Variants in MSRA observed in about 807,000 individuals in gnomAD.
MSRA encodes mitochondrial peptide methionine sulfoxide reductase.
Under a neutral mutation model 31.3 loss-of-function variants are expected in MSRA, and 54 were observed. That is an observed-to-expected ratio of 1.73 (90% CI 1.39 to 2.17). The LOEUF (loss-of-function observed/expected upper bound fraction) is 2.17, where lower values mean the gene tolerates loss of function less well. Among genes scored for constraint, MSRA ranks in the 30% most tolerant of loss-of-function variants. The pLI, the probability that MSRA is intolerant of heterozygous loss-of-function variation, is 0.00. For missense variants in MSRA, 507 were observed against 300.9 expected (o/e 1.69, Z -5.07); for synonymous variants, 169 against 116.5 (o/e 1.45, Z -2.90).
At chr8:10,250,355 C>G in intron 3 of MSRA, 1 of 695,572 alleles carries the variant, frequency 1.4e-6, no homozygotes, top group South Asian at 1.5e-5. Context: ...ATACAAATAC[C>G]CCATTTCTGG....
At chr8:10,179,112 C>T (rs1327579416) in intron 1 of MSRA, among the ~76,000 whole-genome samples, 1 of 152,200 alleles carries the variant, frequency 6.6e-6, no homozygotes, top group Non-Finnish European at 1.5e-5. Context: ...GTGAGTCAGT[C>T]AGTGCCCCAT....
chr8:10,339,048 TA>T (rs576137117), intron 5 of MSRA, among the ~76,000 whole-genome samples: 124 of 152,342 alleles, frequency 8.1e-4, no homozygotes, highest in African/African-American at 2.9e-3. Flanking sequence ...TTCCATTTTT[TA>T]ATTCACTGGG....
intron 5 of MSRA, chr8:10,320,441 C>G (rs891600567): frequency 2.0e-5 from 3 of 152,958 alleles, no homozygotes; most frequent in Non-Finnish European, 2.9e-5. Context: ...GCACTTCAGC[C>G]TGGGTGACAG....
rs200043234 is a variant in MSRA, at chr8:10,343,767, C to G, written c.543+23778C>G. The stretch of plus-strand genomic sequence containing the variant: ...TACATAAATTTGAAGACTTCATATG[C>G]AAACAGCAACAAAACCAAAAAATAA... On this transcript the variant is annotated intron_variant, in intron 5 of 5. Coordinates refer to ENST00000317173, the MANE Select transcript of MSRA (RefSeq NM_012331.5). Among the ~76,000 whole-genome samples, 2 of 152,156 alleles carry G rather than the reference C, an allele frequency of 1.3e-5. 1 individual carries two copies. The highest frequency in any genetic ancestry group is 4.1e-4 in the South Asian group (2 of 4,830).
intron 2 of MSRA, among the ~76,000 whole-genome samples, chr8:10,225,712 A>G (rs1372119025): frequency 2.0e-5 from 3 of 152,096 alleles, no homozygotes; most frequent in African/African-American, 7.2e-5. Flanking sequence ...TTTGATGTAG[A>G]TGTCTGACGA....
chr8:10,258,965 G>A (rs1021489973), intron 3 of MSRA, among the ~76,000 whole-genome samples: 1 of 152,106 alleles, frequency 6.6e-6, no homozygotes, highest in African/African-American at 2.4e-5. Flanking sequence ...AAACTAGCCG[G>A]GTGTGGTGGT....
intron 2 of MSRA, among the ~76,000 whole-genome samples, chr8:10,237,593 A>G (rs1211012962): frequency 4.6e-5 from 7 of 152,216 alleles, no homozygotes; most frequent in Non-Finnish European, 8.8e-5. Context: ...GAAGAAGTAT[A>G]AGGTAAGAAG....
intron 5 of MSRA, among the ~76,000 whole-genome samples, chr8:10,410,759 G>A (rs563928842): frequency 1.3e-5 from 2 of 152,192 alleles, no homozygotes; most frequent in Non-Finnish European, 2.9e-5. Flanking sequence ...GCTGCTTTCA[G>A]TGTAGAGTGC....
intron 1 of MSRA, among the ~76,000 whole-genome samples, chr8:10,116,212 G>A (rs1358165661): frequency 1.3e-5 from 2 of 152,220 alleles, no homozygotes; most frequent in African/African-American, 4.8e-5. Flanking sequence ...GGATGCCGTT[G>A]AGTGCATCCT....
intron 1 of MSRA, among the ~76,000 whole-genome samples, chr8:10,194,633 T>C (rs1807819234): frequency 6.6e-6 from 1 of 152,236 alleles, no homozygotes; most frequent in South Asian, 2.1e-4. Flanking sequence ...AATGAAGTGA[T>C]AGCTCTATCT....
chr8:10,152,648 C>A (rs185015755), intron 1 of MSRA, among the ~76,000 whole-genome samples: 38 of 151,742 alleles, frequency 2.5e-4, no homozygotes, highest in Non-Finnish European at 3.8e-4. Context: ...TTTTTTCCCC[C>A]AAAAAATCAT....
intron 4 of MSRA, among the ~76,000 whole-genome samples, chr8:10,308,665 T>TC (rs1011207474): frequency 6.6e-5 from 10 of 152,352 alleles, no homozygotes; most frequent in Middle Eastern, 3.4e-3. Flanking sequence ...ACCACAGTTC[T>TC]CCCCAGACTA....
chr8:10,273,711 A>G (rs958932962), intron 3 of MSRA, among the ~76,000 whole-genome samples: 2 of 152,164 alleles, frequency 1.3e-5, no homozygotes, highest in Admixed American at 6.6e-5. Flanking sequence ...TGCTATGTTT[A>G]TGTTATGTTA....
At chr8:10,131,384 A>G (rs1314931473) in intron 1 of MSRA, among the ~76,000 whole-genome samples, 2 of 152,248 alleles carry the variant, frequency 1.3e-5, no homozygotes, top group African/African-American at 4.8e-5. Flanking sequence ...ATTTTCAAGG[A>G]TATGTAGGAT....
chr8:10,287,355 A>T lies in MSRA; in HGVS notation c.332-14179A>T, dbSNP rs564720693. On this transcript the variant is annotated intron_variant, in intron 3 of 5. Transcript: ENST00000317173. The stretch of plus-strand genomic sequence containing the variant: ...ATCTTTGAAATGTAAAACAGACATC[A>T]TAATACATGGAGTTCCCATGAAGAT... 3.7e-4 allele frequency among the ~76,000 whole-genome samples: 56 copies of T among 152,342 alleles called. 1 individual carries two copies. The highest frequency in any genetic ancestry group is 3.7e-4 in the Non-Finnish European group (25 of 68,034).
chr8:10,367,443 T>G (rs755740909), intron 5 of MSRA, among the ~76,000 whole-genome samples: 31 of 152,226 alleles, frequency 2.0e-4, no homozygotes, highest in Non-Finnish European at 3.8e-4. Flanking sequence ...TCTGAGGTTT[T>G]GAGCATCCAC....
intron 5 of MSRA, among the ~76,000 whole-genome samples, chr8:10,366,482 C>G (rs1203831086): frequency 6.6e-6 from 1 of 152,262 alleles, no homozygotes; most frequent in Non-Finnish European, 1.5e-5. Flanking sequence ...CCCTGACAGA[C>G]ATTCCGGAGT....
At chr8:10,427,239 C>T (rs923074439) in intron 5 of MSRA, among the ~76,000 whole-genome samples, 2 of 152,144 alleles carry the variant, frequency 1.3e-5, no homozygotes, top group Admixed American at 6.5e-5. Flanking sequence ...GCCGTGTGCT[C>T]ACATGCTTCA....
At chr8:10,327,532 T>C (rs57085218) in intron 5 of MSRA, among the ~76,000 whole-genome samples, 94 of 152,332 alleles carry the variant, frequency 6.2e-4, no homozygotes, top group African/African-American at 2.2e-3. Context: ...CAGCCAGATA[T>C]TTAGTGACTC....
Sources: allele counts gnomAD v4.1 joint callset (sites outside exome capture counted in the v4.1 genomes callset), GRCh38; gene constraint gnomAD v4.1.1; transcripts MANE v1.5; gene names NCBI Gene and HGNC (gene_info 2026-07-23, HGNC 2026-07-21).